Variants in CHIC2 observed in about 807,000 individuals in gnomAD.
The protein encoded by CHIC2 is cysteine rich hydrophobic domain 2.
CHIC2 carries 14 observed loss-of-function variants against 25.9 expected under a neutral mutation model. The ratio of observed to expected loss-of-function variants is 0.54; its 90% CI spans 0.36 to 0.85. CHIC2 has a LOEUF of 0.85. Ranked by LOEUF, CHIC2 falls within the 40% of genes least tolerant of loss-of-function variation. The probability of loss-of-function intolerance (pLI) is 0.01; values close to 1 mark genes in which losing one functional copy is unlikely to be tolerated. For synonymous variants in CHIC2, 70 were observed against 72.0 expected, an observed-to-expected ratio of 0.97 and a Z score of 0.14; for missense variants, 146 against 202.0, an observed-to-expected ratio of 0.72 and a Z score of 1.68.
the CHIC2 span, among the ~76,000 whole-genome samples, chr4:54,077,119 C>T: frequency 2.6e-5 from 4 of 152,254 alleles, no homozygotes; most frequent in East Asian, 3.9e-4. Flanking sequence ...AAGTACTCAA[C>T]GTTAGTTGTT....
chr4:54,033,692 G>A lies in CHIC2; in HGVS notation c.330+15263C>T, dbSNP rs190033318. ...TGAGTTAAACTTTCTATTAATATAC[G>A]GTTTAATGTACAGATTGAAGGATTT... On this transcript the variant is annotated intron_variant, in intron 3 of 5. Coordinates refer to ENST00000263921, the MANE Select transcript of CHIC2 (RefSeq NM_012110.4). Among the ~76,000 whole-genome samples, 198 of 152,060 alleles carry A rather than the reference G, an allele frequency of 1.3e-3. 3 individuals carry two copies. Among genetic ancestry groups the A allele is most frequent in the Non-Finnish European group, 2.8e-4 (19 of 67,976 alleles).
chr4:54,010,428 G>T (rs773351796), intron 5 of CHIC2, among the ~76,000 whole-genome samples: 15 of 152,038 alleles, frequency 9.9e-5, no homozygotes, highest in Admixed American at 5.2e-4. Flanking sequence ...GATATAGATA[G>T]TGCCCCTGAT....
At chr4:54,089,224 C>G in the CHIC2 span, among the ~76,000 whole-genome samples, 1 of 152,104 alleles carries the variant, frequency 6.6e-6, no homozygotes. Flanking sequence ...GATCTGCAAT[C>G]GGTTCTCCAA....
chr4:54,059,101 A>G (rs1316678274), intron 1 of CHIC2, among the ~76,000 whole-genome samples: 1 of 152,212 alleles, frequency 6.6e-6, no homozygotes, highest in Non-Finnish European at 1.5e-5. Context: ...AAATCTGTGC[A>G]TTAAGAAGTT....
At chr4:54,020,863 C>T (rs1428862478) in intron 3 of CHIC2, among the ~76,000 whole-genome samples, 1 of 152,154 alleles carries the variant, frequency 6.6e-6, no homozygotes, top group Admixed American at 6.5e-5. Flanking sequence ...ATTATTCACC[C>T]ACAATTCACT....
chr4:54,063,707 C>T (rs1717404980), intron 1 of CHIC2, among the ~76,000 whole-genome samples: 1 of 152,224 alleles, frequency 6.6e-6, no homozygotes. Flanking sequence ...AACTGGGAGA[C>T]CTGTGGGTAT....
intron 3 of CHIC2, among the ~76,000 whole-genome samples, chr4:54,047,095 A>G (rs368534023): frequency 6.6e-6 from 1 of 152,114 alleles, no homozygotes; most frequent in Non-Finnish European, 1.5e-5. Context: ...AAAACCACAA[A>G]GAGATACCAT....
At chr4:54,088,319 G>A in the CHIC2 span, among the ~76,000 whole-genome samples, 1 of 152,134 alleles carries the variant, frequency 6.6e-6, no homozygotes, top group African/African-American at 2.4e-5. Flanking sequence ...TTGCATTTGA[G>A]TCTAATGCAT....
chr4:54,032,641 C>G (rs1284838739), intron 3 of CHIC2, among the ~76,000 whole-genome samples: 2 of 152,042 alleles, frequency 1.3e-5, no homozygotes, highest in East Asian at 3.9e-4. Context: ...ATTTATATAC[C>G]TAATTACAGA....
chr4:54,072,761 A>G, the CHIC2 span, among the ~76,000 whole-genome samples: 1 of 152,128 alleles, frequency 6.6e-6, no homozygotes, highest in Non-Finnish European at 1.5e-5. Context: ...CTTCTATATG[A>G]TGGTCCTTCA....
upstream of CHIC2, among the ~76,000 whole-genome samples, chr4:54,067,515 A>T (rs553889288): frequency 6.6e-6 from 1 of 151,672 alleles, no homozygotes; most frequent in Non-Finnish European, 1.5e-5. Flanking sequence ...TCCTCCCCCA[A>T]TTTCTTCCTG....
the CHIC2 span, among the ~76,000 whole-genome samples, chr4:54,071,911 G>A: frequency 1.3e-5 from 2 of 152,106 alleles, no homozygotes; most frequent in South Asian, 4.1e-4. Context: ...TCCCTAAAAT[G>A]TTGTTATAAT....
intron 1 of CHIC2, among the ~76,000 whole-genome samples, chr4:54,057,309 A>G (rs968451023): frequency 7.9e-5 from 12 of 152,136 alleles, no homozygotes; most frequent in Non-Finnish European, 1.8e-4. Context: ...ATTCCTTTAC[A>G]ATCCTTTCTG....
the CHIC2 span, among the ~76,000 whole-genome samples, chr4:54,082,026 G>T: frequency 6.6e-6 from 1 of 152,198 alleles, no homozygotes; most frequent in Non-Finnish European, 1.5e-5. Context: ...AGGCTAGCCT[G>T]GTCGAAGCAA....
intron 1 of CHIC2, among the ~76,000 whole-genome samples, chr4:54,054,995 G>A (rs982199066): frequency 6.6e-6 from 1 of 152,110 alleles, no homozygotes; most frequent in African/African-American, 2.4e-5. Flanking sequence ...GAAGGAGATG[G>A]GGAACCTTTG....
intron 3 of CHIC2, chr4:54,048,742 T>A (rs1716909169): frequency 2.6e-6 from 1 of 385,848 alleles, no homozygotes; most frequent in African/African-American, 2.1e-5. Flanking sequence ...ACTCCTTGCT[T>A]CTAAAATTAT....
At chr4:54,072,259 G>A in the CHIC2 span, among the ~76,000 whole-genome samples, 3 of 150,830 alleles carry the variant, frequency 2.0e-5, no homozygotes, top group Non-Finnish European at 2.9e-5. Context: ...CCGAGATTGC[G>A]CCACTGCACT....
At chr4:54,022,351 G>C (rs1297269532) in intron 3 of CHIC2, among the ~76,000 whole-genome samples, 1 of 151,980 alleles carries the variant, frequency 6.6e-6, no homozygotes, top group Non-Finnish European at 1.5e-5. Context: ...TACAGTGGAG[G>C]GTAAGTCCGT....
intron 5 of CHIC2, 54 bp downstream of exon 5, chr4:54,013,783 G>A: frequency 6.5e-7 from 1 of 1,543,928 alleles, no homozygotes; most frequent in Non-Finnish European, 8.9e-7. Flanking sequence ...AAGATCAGAA[G>A]CAAAATAAAT....
Sources: allele counts gnomAD v4.1 joint callset (sites outside exome capture counted in the v4.1 genomes callset), GRCh38; gene constraint gnomAD v4.1.1; transcripts MANE v1.5; gene names NCBI Gene and HGNC (gene_info 2026-07-23, HGNC 2026-07-21).